Variants in BACH2 observed in about 807,000 individuals in gnomAD.
BACH2 encodes the protein transcription regulator protein BACH2.
BACH2 carries 5 observed loss-of-function variants against 61.8 expected under a neutral mutation model. The observed-to-expected ratio is 0.08, with a 90% CI of 0.04 to 0.17. The LOEUF (loss-of-function observed/expected upper bound fraction) is 0.17, where lower values mean the gene tolerates loss of function less well. Ranked by LOEUF, BACH2 falls within the 10% of genes least tolerant of loss-of-function variation. BACH2 has a pLI of 1.00. For missense variants in BACH2, 824 were observed against 1,091.1 expected (o/e 0.76, Z 3.45); for synonymous variants, 446 against 440.1 (o/e 1.01, Z -0.17).
chr6:90,216,557 G>A (rs964513561), intron 3 of BACH2, among the ~76,000 whole-genome samples: 1 of 152,210 alleles, frequency 6.6e-6, no homozygotes, highest in South Asian at 2.1e-4. Flanking sequence ...AATTCCAAGA[G>A]AGAGGTTGTT....
chr6:90,056,304 A>AAGGC (rs1582279033), intron 5 of BACH2, among the ~76,000 whole-genome samples: 1 of 152,188 alleles, frequency 6.6e-6, no homozygotes, highest in African/African-American at 2.4e-5. Context: ...AAAACAAAAA[A>AAGGC]AGGCAGGGGT....
chr6:90,267,353 CAAATT>C (rs1771370787), intron 2 of BACH2, among the ~76,000 whole-genome samples: 1 of 152,088 alleles, frequency 6.6e-6, no homozygotes, highest in South Asian at 2.1e-4. Context: ...CAGGGGAACT[CAAATT>C]AAAACAGCTA....
chr6:90,224,919 G>C (rs1769860824), intron 3 of BACH2, among the ~76,000 whole-genome samples: 1 of 152,210 alleles, frequency 6.6e-6, no homozygotes, highest in African/African-American at 2.4e-5. Context: ...AGTGTTTTCA[G>C]ATTCTCTGGT....
chr6:90,204,354 G>A (rs1252919803), intron 4 of BACH2, among the ~76,000 whole-genome samples: 1 of 152,096 alleles, frequency 6.6e-6, no homozygotes, highest in East Asian at 1.9e-4. Flanking sequence ...GAGATTCTCT[G>A]GTTTTATTCA....
chr6:89,953,061 G>C (rs766995058), intron 6 of BACH2: 1 of 152,248 alleles, frequency 6.6e-6, no homozygotes, highest in African/African-American at 2.4e-5. Context: ...TATGGTAGCA[G>C]TGATACAAAA....
intron 4 of BACH2, among the ~76,000 whole-genome samples, chr6:90,191,986 T>C (rs1768590265): frequency 6.6e-6 from 1 of 152,208 alleles, no homozygotes; most frequent in Non-Finnish European, 1.5e-5. Flanking sequence ...TTCAAATGAC[T>C]AGCTTTGCTA....
intron 4 of BACH2, among the ~76,000 whole-genome samples, chr6:90,204,932 G>A (rs1769090029): frequency 6.6e-6 from 1 of 152,166 alleles, no homozygotes; most frequent in South Asian, 2.1e-4. Flanking sequence ...CTTTGGCTCA[G>A]CTCAGCCAAA....
At position 89,951,770 on chromosome 6, in the gene BACH2, A is replaced by G. The variant is rs1164667277; in HGVS notation, c.336T>C (p.Cys112=). 6.2e-7 allele frequency: 1 copy of G among 1,614,146 alleles called. No individual in the cohort carries two copies. Among genetic ancestry groups the G allele is most frequent in the African/African-American group, 1.3e-5 (1 of 74,948 alleles). Residue 112 remains cysteine, a synonymous_variant, in exon 7 of 9, where the codon TGT becomes TGC. Transcript: ENST00000257749. The surrounding 1 kb of genome is among the most constrained non-coding windows in gnomAD (Gnocchi z 6.4). ...SRENIREVIR[C]AEFLRMHNLE... ...GGTTGTGCATGCGCAGGAACTCAGC[A>G]CAGCGGATGACCTCGCGGATGTTTT...
intron 2 of BACH2, among the ~76,000 whole-genome samples, chr6:90,271,130 A>G (rs896660130): frequency 1.3e-5 from 2 of 152,166 alleles, no homozygotes; most frequent in South Asian, 2.1e-4. Context: ...ACTCTAGAAC[A>G]CTGGAAAAAC....
intron 4 of BACH2, among the ~76,000 whole-genome samples, chr6:90,090,134 T>C (rs1216099565): frequency 2.6e-5 from 4 of 152,180 alleles, no homozygotes. Context: ...GTGAGTTATA[T>C]GAATATGAGT....
intron 4 of BACH2, among the ~76,000 whole-genome samples, chr6:90,185,424 G>T (rs892272319): frequency 6.6e-6 from 1 of 152,090 alleles, no homozygotes; most frequent in Non-Finnish European, 1.5e-5. Flanking sequence ...GGTGAAAAAA[G>T]CACAGGGCAA....
intron 5 of BACH2, among the ~76,000 whole-genome samples, chr6:90,031,074 C>T (rs931559054): frequency 4.6e-5 from 7 of 151,210 alleles, no homozygotes; most frequent in Non-Finnish European, 7.4e-5. Flanking sequence ...AAACATAATC[C>T]AACATATAAA....
chr6:90,217,831 G>A (rs190274337), intron 3 of BACH2: 1 of 152,200 alleles, frequency 6.6e-6, no homozygotes, highest in Admixed American at 6.5e-5. Flanking sequence ...GCCATGATGT[G>A]AGAGTTGGTC....
chr6:89,996,774 C>T (rs1403146237), intron 6 of BACH2, among the ~76,000 whole-genome samples: 2 of 152,148 alleles, frequency 1.3e-5, no homozygotes, highest in Non-Finnish European at 2.9e-5. Flanking sequence ...CAGTACCCTG[C>T]CATCTACAAT....
intron 1 of BACH2, among the ~76,000 whole-genome samples, chr6:90,280,579 A>G (rs927436517): frequency 2.0e-5 from 3 of 152,220 alleles, no homozygotes; most frequent in African/African-American, 7.2e-5. Context: ...AGAGACATTT[A>G]GCCCAGTGCC....
In BACH2 at chr6:90,063,894, T is replaced by C. The variant is rs531418810; in HGVS notation, c.-13+25067A>G. 2.0e-5 allele frequency among the ~76,000 whole-genome samples: 3 copies of C among 152,320 alleles called. No homozygotes were observed. In the East Asian group the frequency reaches 5.8e-4, roughly 29 times the overall value. On this transcript the variant is annotated intron_variant, in intron 5 of 8. Coordinates refer to ENST00000257749, the MANE Select transcript of BACH2 (RefSeq NM_021813.4). The stretch of plus-strand genomic sequence containing the variant: ...GATATTTCAGAAATAAGGATATATC[T>C]TATAGTTGGTGGCTTATATTTTAAT...
At chr6:90,183,370 A>G (rs1158167822) in intron 4 of BACH2, among the ~76,000 whole-genome samples, 1 of 152,234 alleles carries the variant, frequency 6.6e-6, no homozygotes, top group East Asian at 1.9e-4. Flanking sequence ...TATAACATAC[A>G]GTCAGTAAAA....
chr6:90,110,356 A>G (rs1342632388), intron 4 of BACH2, among the ~76,000 whole-genome samples: 1 of 152,230 alleles, frequency 6.6e-6, no homozygotes. Flanking sequence ...CTATTGGTCT[A>G]TCTTGCGCTT....
At chr6:90,229,413 T>C (rs1770021183) in intron 3 of BACH2, among the ~76,000 whole-genome samples, 1 of 151,310 alleles carries the variant, frequency 6.6e-6, no homozygotes. Context: ...CGAGCAGAGA[T>C]CATGCCACTG....
Sources: allele counts gnomAD v4.1 joint callset (sites outside exome capture counted in the v4.1 genomes callset), GRCh38; gene constraint gnomAD v4.1.1; non-coding constraint Gnocchi (gnomAD v3.1); transcripts MANE v1.5; gene names NCBI Gene and HGNC (gene_info 2026-07-23, HGNC 2026-07-21).